Variants in SORCS1 observed in about 807,000 individuals in gnomAD.
SORCS1 encodes VPS10 domain-containing receptor SorCS1.
A neutral mutation model predicts 146.1 loss-of-function variants in SORCS1; 60 were observed. The observed-to-expected ratio is 0.41, with a 90% CI of 0.33 to 0.51. The LOEUF is 0.51. Among genes scored for constraint, SORCS1 ranks in the 20% least tolerant of loss-of-function variants. The probability of loss-of-function intolerance (pLI) is 0.21; values close to 1 mark genes in which losing one functional copy is unlikely to be tolerated. For missense variants in SORCS1, 1,352 were observed against 1,487.6 expected (o/e 0.91, Z 1.50); for synonymous variants, 637 against 584.0 (o/e 1.09, Z -1.31).
chr10:107,076,671 C>G (rs905004636), intron 1 of SORCS1, among the ~76,000 whole-genome samples: 2 of 152,138 alleles, frequency 1.3e-5, no homozygotes, highest in African/African-American at 2.4e-5. Flanking sequence ...TTTGGGAGAA[C>G]AACATGTAGC....
chr10:106,928,207 G>A (rs1953182803), intron 2 of SORCS1, among the ~76,000 whole-genome samples: 1 of 152,226 alleles, frequency 6.6e-6, no homozygotes, highest in Admixed American at 6.5e-5. Flanking sequence ...CGAAGGCGGG[G>A]AGGCTCAGGC....
At chr10:106,664,838 C>A (rs199723226) in intron 17 of SORCS1, among the ~76,000 whole-genome samples, 2 of 152,000 alleles carry the variant, frequency 1.3e-5, no homozygotes, top group East Asian at 3.9e-4. Context: ...AAAATCAATT[C>A]TTAAATTAGC....
chr10:106,758,596 T>G (rs1355474750), intron 5 of SORCS1, among the ~76,000 whole-genome samples: 1 of 152,190 alleles, frequency 6.6e-6, no homozygotes, highest in Non-Finnish European at 1.5e-5. Flanking sequence ...TTCTGAGGCC[T>G]TTCTATGCAC....
chr10:106,954,048 T>TA (rs1164512165), intron 2 of SORCS1, among the ~76,000 whole-genome samples: 1 of 152,200 alleles, frequency 6.6e-6, no homozygotes, highest in Non-Finnish European at 1.5e-5. Context: ...GACATTCTTC[T>TA]TAGACTGGGC....
At chr10:106,912,228 G>C (rs912452450) in intron 2 of SORCS1, among the ~76,000 whole-genome samples, 4 of 152,158 alleles carry the variant, frequency 2.6e-5, no homozygotes, top group Non-Finnish European at 5.9e-5. Flanking sequence ...ACTGAGCATG[G>C]AGAAAAGTAA....
In SORCS1 at chr10:106,962,588, C is replaced by T. The variant is rs1203526493; in HGVS notation, c.559-6008G>A. Among the ~76,000 whole-genome samples the T allele has an allele frequency of 2.0e-5, 3 of 152,062 alleles. No homozygotes were observed. The East Asian group carries it at 5.8e-4, about 29-fold the overall frequency. ...ACACAATCCCAAAATGTCTTCCATTCCTTATGGTCTATATTTCCAAATCCT... is the reference window on the plus strand; with the variant it reads ...ACACAATCCCAAAATGTCTTCCATTTCTTATGGTCTATATTTCCAAATCCT... On this transcript the variant is annotated intron_variant, in intron 1 of 25. Coordinates refer to ENST00000263054, the MANE Select transcript of SORCS1 (RefSeq NM_052918.5).
chr10:106,983,188 CTATATATACATATTTCTATATATAAA>C (rs1188274330), intron 1 of SORCS1, among the ~76,000 whole-genome samples: 25 of 146,514 alleles, frequency 1.7e-4, no homozygotes, highest in African/African-American at 4.5e-4. Context: ...ACATATTTCT[CTATATATACATATTTCTATATATAAA>C]TATATATACA....
chr10:106,904,744 C>T (rs1951843448), intron 2 of SORCS1, among the ~76,000 whole-genome samples: 1 of 152,080 alleles, frequency 6.6e-6, no homozygotes, highest in Non-Finnish European at 1.5e-5. Context: ...ACTGATAGAC[C>T]CGTTTTGGCC....
At chr10:106,920,157 G>C (rs748427147) in intron 2 of SORCS1, among the ~76,000 whole-genome samples, 2 of 152,144 alleles carry the variant, frequency 1.3e-5, no homozygotes, top group Non-Finnish European at 2.9e-5. Flanking sequence ...CCCCAATGAA[G>C]AGAAATGCAG....
At chr10:106,828,094 C>A (rs113570129) in intron 3 of SORCS1, among the ~76,000 whole-genome samples, 5 of 152,182 alleles carry the variant, frequency 3.3e-5, no homozygotes, top group African/African-American at 9.6e-5. Flanking sequence ...ACTTCCCACA[C>A]GAGGTAGGTA....
chr10:106,594,817 C>T (rs553009998), intron 24 of SORCS1, among the ~76,000 whole-genome samples: 22 of 152,266 alleles, frequency 1.4e-4, no homozygotes, highest in African/African-American at 4.6e-4. Context: ...ATGGAATATC[C>T]GGCTTAGTTG....
At chr10:106,885,245 AT>A (rs995530610) in intron 2 of SORCS1, among the ~76,000 whole-genome samples, 1 of 148,616 alleles carries the variant, frequency 6.7e-6, no homozygotes, top group Non-Finnish European at 1.5e-5. Flanking sequence ...TGTATGTATG[AT>A]TTTTTTTAGA....
chr10:106,993,687 GA>G (rs947711717), intron 1 of SORCS1, among the ~76,000 whole-genome samples: 3 of 151,612 alleles, frequency 2.0e-5, no homozygotes, highest in Admixed American at 6.6e-5. Context: ...ATACATGAGG[GA>G]AAAAAAATAT....
intron 1 of SORCS1, among the ~76,000 whole-genome samples, chr10:107,032,579 A>G (rs1217082457): frequency 3.3e-5 from 5 of 152,206 alleles, no homozygotes; most frequent in African/African-American, 1.2e-4. Context: ...GCAATGAGTT[A>G]GAAGAGCTGA....
intron 2 of SORCS1, among the ~76,000 whole-genome samples, chr10:106,955,123 G>T (rs565499243): frequency 6.6e-5 from 10 of 152,340 alleles, no homozygotes; most frequent in African/African-American, 2.4e-4. Flanking sequence ...CCTGTTTGCT[G>T]CACTGTGGCT....
At chr10:106,664,945 G>A (rs4917483) in intron 17 of SORCS1, among the ~76,000 whole-genome samples, 9,328 of 152,054 alleles carry the variant, frequency 0.061, 453 homozygotes, top group African/African-American at 0.12. Flanking sequence ...ATTAAGTTTA[G>A]TTATTTTATT....
chr10:106,900,975 T>TC (rs932921680), intron 2 of SORCS1, among the ~76,000 whole-genome samples: 6 of 152,316 alleles, frequency 3.9e-5, no homozygotes, highest in African/African-American at 1.4e-4. Flanking sequence ...TGTGCTTTTT[T>TC]CCCACTAACT....
rs185105323 is a variant in SORCS1 at position 106,775,398 on chromosome 10, A to G, written c.885+1136T>C. 2.5e-3 allele frequency among the ~76,000 whole-genome samples: 384 copies of G among 152,288 alleles called. 2 individuals are homozygous for G. Among genetic ancestry groups the G allele is most frequent in the African/African-American group, 8.8e-3 (367 of 41,578 alleles). ...AAAAAATGAATTGTAAATTCTTTCT[A>G]TTTTTAGGATTAATGTGCATTTTAT... On this transcript the variant is annotated intron_variant, in intron 4 of 25. Coordinates refer to ENST00000263054, the MANE Select transcript of SORCS1 (RefSeq NM_052918.5).
At chr10:106,697,673 C>T (rs1853810381) in intron 9 of SORCS1, among the ~76,000 whole-genome samples, 1 of 151,970 alleles carries the variant, frequency 6.6e-6, no homozygotes, top group South Asian at 2.1e-4. Flanking sequence ...GTGCTCCGTG[C>T]TTTGAAAGGA....
Sources: allele counts gnomAD v4.1 joint callset (sites outside exome capture counted in the v4.1 genomes callset), GRCh38; gene constraint gnomAD v4.1.1; transcripts MANE v1.5; gene names NCBI Gene and HGNC (gene_info 2026-07-23, HGNC 2026-07-21).